ZNF519: variants seen among roughly 807,000 people sequenced by gnomAD.
The protein encoded by ZNF519 is zinc finger protein 519.
A neutral mutation model predicts 7.4 loss-of-function variants in ZNF519; 7 were observed. The ratio of observed to expected loss-of-function variants is 0.94; its 90% CI spans 0.54 to 1.77. ZNF519 has a LOEUF of 1.77. Among genes scored for constraint, ZNF519 ranks in the 40% most tolerant of loss-of-function variants. The pLI, the probability that ZNF519 is intolerant of heterozygous loss-of-function variation, is 0.00. For missense variants in ZNF519, 586 were observed against 623.1 expected (o/e 0.94, Z 0.63); for synonymous variants, 179 against 203.3 (o/e 0.88, Z 1.02).
chr18:14,120,718 C>T (rs1020756447), intron 2 of ZNF519, among the ~76,000 whole-genome samples: 1 of 151,980 alleles, frequency 6.6e-6, no homozygotes, highest in Non-Finnish European at 1.5e-5. Context: ...CAAAAATAGA[C>T]AAAAGATTAT....
chr18:14,092,689 A>G (rs2046119361), intron 2 of ZNF519, among the ~76,000 whole-genome samples: 1 of 152,160 alleles, frequency 6.6e-6, no homozygotes, highest in Non-Finnish European at 1.5e-5. Flanking sequence ...CAGTATTTAC[A>G]TGTATGTATG....
chr18:14,120,632 G>A (rs1233626097), intron 2 of ZNF519, among the ~76,000 whole-genome samples: 2 of 152,064 alleles, frequency 1.3e-5, no homozygotes, highest in African/African-American at 2.4e-5. Context: ...TGCAAGCCAT[G>A]TATAAGAAGT....
chr18:14,097,265 A>G (rs1295124302), downstream of ZNF519, among the ~76,000 whole-genome samples: 1 of 152,212 alleles, frequency 6.6e-6, no homozygotes, highest in Non-Finnish European at 1.5e-5. Context: ...TTTGTTGGAA[A>G]AACTGCTTCA....
At chr18:14,073,276 A>ATTTATTTATTTG (rs1432214919), downstream of ZNF519, 1 of 124,178 alleles carries the variant, frequency 8.1e-6, no homozygotes, top group Non-Finnish European at 1.8e-5. Context: ...TTATTTATTT[A>ATTTATTTATTTG]TTTATTTATT....
intron 2 of ZNF519, among the ~76,000 whole-genome samples, chr18:14,107,556 T>C (rs2046199541): frequency 6.6e-6 from 1 of 152,096 alleles, no homozygotes; most frequent in African/African-American, 2.4e-5. Flanking sequence ...GGAAAAACTA[T>C]AGAGGATTTC....
At chr18:14,130,772 T>G (rs2046325453) in intron 1 of ZNF519, among the ~76,000 whole-genome samples, 2 of 151,900 alleles carry the variant, frequency 1.3e-5, no homozygotes, top group African/African-American at 4.8e-5. Flanking sequence ...GAATAGTCTA[T>G]CTTTTTCTCT....
chr18:14,094,200 C>A (rs986123771), intron 2 of ZNF519, among the ~76,000 whole-genome samples: 1 of 152,202 alleles, frequency 6.6e-6, no homozygotes, highest in Non-Finnish European at 1.5e-5. Context: ...TCCTTCTCAA[C>A]ACTTTTCTTC....
rs1230811095 is a variant in ZNF519, at chr18:14,105,836, C to G, written c.704G>C (p.Ser235Thr). ...TQHQRIYIGE[S>T]SQRCNKKCII... Reference sequence around the variant, plus strand: ...ACATTTTTTATTACATCTTTGTGAGCTCTCTCCAATATAAATTCTTTGATG... The same window carrying G: ...ACATTTTTTATTACATCTTTGTGAGGTCTCTCCAATATAAATTCTTTGATG... Residue 235 changes from serine (S) to threonine (T), a missense_variant, in exon 3 of 3, where the codon AGC (serine) becomes ACC (threonine). By Grantham distance (58) the Ser-to-Thr change is moderately conservative. Coordinates refer to ENST00000590202, the MANE Select transcript of ZNF519 (RefSeq NM_145287.4). 8 of 1,603,278 alleles carry G rather than the reference C, an allele frequency of 5.0e-6. No individual in the cohort carries two copies. Among genetic ancestry groups the G allele is most frequent in the Non-Finnish European group, 6.8e-6 (8 of 1,176,678 alleles).
At chr18:14,098,253 C>T (rs1306286710), downstream of ZNF519, among the ~76,000 whole-genome samples, 1 of 151,838 alleles carries the variant, frequency 6.6e-6, no homozygotes, top group Non-Finnish European at 1.5e-5. Context: ...CTCTTCCTCC[C>T]AGGTTCAGGT....
At chr18:14,114,796 C>T (rs766142141) in intron 2 of ZNF519, among the ~76,000 whole-genome samples, 28 of 151,902 alleles carry the variant, frequency 1.8e-4, no homozygotes, top group African/African-American at 6.0e-4. Flanking sequence ...ACAAAAGGAA[C>T]GTAATTAGAT....
At chr18:14,082,533 T>C (rs969089020) in intron 3 of ZNF519, 7 of 152,182 alleles carry the variant, frequency 4.6e-5, no homozygotes, top group Non-Finnish European at 8.8e-5. Flanking sequence ...GCAGACATGA[T>C]AAGAAAGACT....
At chr18:14,121,618 T>C (rs12965690) in intron 2 of ZNF519, among the ~76,000 whole-genome samples, 24,052 of 152,148 alleles carry the variant, frequency 0.16, 2,433 homozygotes, top group Non-Finnish European at 0.23. Flanking sequence ...ACCTTTCTTT[T>C]GTATCAGTTA....
chr18:14,131,134 C>G (rs9303800), intron 1 of ZNF519, among the ~76,000 whole-genome samples: 149,691 of 152,206 alleles, frequency 0.98, 73,651 homozygotes, highest in Middle Eastern at 1. Flanking sequence ...AGTTTCCCAA[C>G]GAAAACCTCA....
chr18:14,096,061 C>T (rs1444786373), downstream of ZNF519, among the ~76,000 whole-genome samples: 1 of 152,232 alleles, frequency 6.6e-6, no homozygotes, highest in East Asian at 1.9e-4. Flanking sequence ...TGGGGTGAGT[C>T]CAGAGGTGTC....
At chr18:14,084,227 C>G (rs923300968) in intron 3 of ZNF519, 3 of 152,198 alleles carry the variant, frequency 2.0e-5, no homozygotes, top group African/African-American at 7.2e-5. Flanking sequence ...ACTCTTCTTT[C>G]TTCTCTCTCC....
chr18:14,075,377 T>C (rs555931545), downstream of ZNF519: 4 of 152,370 alleles, frequency 2.6e-5, no homozygotes, highest in African/African-American at 9.6e-5. Flanking sequence ...TGGGAGCTTG[T>C]AGTTTCAGGT....
intron 2 of ZNF519, among the ~76,000 whole-genome samples, chr18:14,086,178 G>A (rs1160818304): frequency 6.6e-6 from 1 of 152,178 alleles, no homozygotes; most frequent in Non-Finnish European, 1.5e-5. Flanking sequence ...GCATACCATC[G>A]TGAAACCCAA....
downstream of ZNF519, chr18:14,075,115 C>G (rs1335070859): frequency 6.6e-6 from 1 of 152,146 alleles, no homozygotes; most frequent in Non-Finnish European, 1.5e-5. Context: ...GAGACTCATT[C>G]ACCATCCCGA....
Position 14,106,264 on chromosome 18 carries a change from T to C in ZNF519, c.276A>G (p.Glu92=). The part of the protein sequence containing the change: ...WKNWESIGEG[E]GQKECYNLCS... ...ATAGATTATAACATTCCTTTTGTCC[T>C]TCACCTTCACCTATACTTTCCCAGT... Residue 92 remains glutamate (E), a synonymous_variant, in exon 3 of 3, where the codon GAA becomes GAG. Transcript: ENST00000590202. The C allele has an allele frequency of 1.2e-6, 2 of 1,613,638 alleles. No individual in the cohort carries two copies. The highest frequency in any genetic ancestry group is 1.7e-6 in the Non-Finnish European group (2 of 1,179,910).
Sources: gnomAD v4.1 joint callset for allele counts (sites outside exome capture counted in the v4.1 genomes callset) on GRCh38, gnomAD v4.1.1 for gene constraint, MANE v1.5 for transcripts, NCBI Gene and HGNC (gene_info 2026-07-23, HGNC 2026-07-21) for gene names.